KIAA0825: variants seen among roughly 807,000 people sequenced by gnomAD.
KIAA0825 encodes the protein uncharacterized protein KIAA0825.
Under a neutral mutation model 147.6 loss-of-function variants are expected in KIAA0825, and 119 were observed. The observed-to-expected ratio is 0.81, with a 90% confidence interval of 0.69 to 0.94. The LOEUF is 0.94. KIAA0825 is among the 40% of genes least tolerant of loss of function. KIAA0825 has a pLI of 0.00. For missense variants in KIAA0825, 1,381 were observed against 1,472.7 expected (o/e 0.94, Z 1.02); for synonymous variants, 470 against 518.1 (o/e 0.91, Z 1.26).
chr5:94,206,353 G>T (rs1468448556), intron 20 of KIAA0825, among the ~76,000 whole-genome samples: 2 of 152,076 alleles, frequency 1.3e-5, no homozygotes, highest in African/African-American at 4.8e-5. Context: ...ATTCCTTAGA[G>T]ACTCTGGAGA....
chr5:94,445,807 G>C (rs889406192), intron 13 of KIAA0825, among the ~76,000 whole-genome samples: 2 of 152,166 alleles, frequency 1.3e-5, no homozygotes, highest in African/African-American at 4.8e-5. Flanking sequence ...CATAGACACT[G>C]ACTTCCCTCT....
chr5:94,359,787 T>A (rs1744815173), intron 20 of KIAA0825, among the ~76,000 whole-genome samples: 1 of 152,210 alleles, frequency 6.6e-6, no homozygotes, highest in African/African-American at 2.4e-5. Flanking sequence ...TCTCAAGTAA[T>A]TTCCAAGAAT....
At chr5:94,464,611 A>G (rs1188208146) in intron 11 of KIAA0825, among the ~76,000 whole-genome samples, 1 of 152,182 alleles carries the variant, frequency 6.6e-6, no homozygotes, top group African/African-American at 2.4e-5. Flanking sequence ...TATATCCTAG[A>G]TTATAGGACA....
intron 20 of KIAA0825, among the ~76,000 whole-genome samples, chr5:94,199,249 CTG>C (rs1771433621): frequency 1.3e-5 from 2 of 152,296 alleles, no homozygotes; most frequent in Admixed American, 1.3e-4. Flanking sequence ...TGAAGGTTTA[CTG>C]TAGTATAAGT....
intron 1 of KIAA0825, among the ~76,000 whole-genome samples, chr5:94,605,081 A>C (rs1787242719): frequency 6.6e-6 from 1 of 152,158 alleles, no homozygotes; most frequent in South Asian, 2.1e-4. Flanking sequence ...AATAAGAGGG[A>C]CATTACCACT....
intron 2 of KIAA0825, among the ~76,000 whole-genome samples, chr5:94,579,318 A>C (rs1345446149): frequency 6.6e-6 from 1 of 152,240 alleles, no homozygotes; most frequent in East Asian, 1.9e-4. Flanking sequence ...TGAGAACATT[A>C]AAGGGTTGTT....
intron 3 of KIAA0825, among the ~76,000 whole-genome samples, chr5:94,528,903 T>C (rs1223680648): frequency 4.8e-5 from 6 of 126,236 alleles, no homozygotes; most frequent in African/African-American, 1.8e-4. Flanking sequence ...AAGAGAAAAG[T>C]GGAGGATCTA....
rs933945855 is a variant in KIAA0825, at chr5:94,396,160, C to G, written c.3237G>C (p.Gln1079His). The G allele has an allele frequency of 4.5e-6, 7 of 1,538,964 alleles. No individual in the cohort carries two copies. Among genetic ancestry groups the G allele is most frequent in the Non-Finnish European group, 6.1e-6 (7 of 1,142,858 alleles). The part of the protein sequence containing the change: ...MIQKVIQSIE[Q>H]QKPNWIERQL... The stretch of plus-strand genomic sequence containing the variant: ...GACGTTCAATCCAGTTGGGCTTCTG[C>G]TGCTCAATGCTCTGTATGACCTTTT... The change falls in exon 17 of 21, where the codon CAG (glutamine) becomes CAC (histidine). Residue 1079 changes from glutamine to histidine, a missense_variant. Physicochemically the swap from Gln to His is conservative, Grantham distance 24. Coordinates refer to ENST00000682413, the MANE Select transcript of KIAA0825 (RefSeq NM_001145678.3).
intron 14 of KIAA0825, among the ~76,000 whole-genome samples, chr5:94,439,416 AG>A (rs1186648044): frequency 6.6e-6 from 1 of 152,172 alleles, no homozygotes; most frequent in Non-Finnish European, 1.5e-5. Context: ...AAGCATTTAA[AG>A]GGGAAAAAAA....
chr5:94,365,305 G>T (rs537238187), intron 20 of KIAA0825, among the ~76,000 whole-genome samples: 1 of 152,144 alleles, frequency 6.6e-6, no homozygotes, highest in African/African-American at 2.4e-5. Flanking sequence ...TTCCCTTGGC[G>T]TGAGACGGCA....
intron 2 of KIAA0825, among the ~76,000 whole-genome samples, chr5:94,560,439 C>T (rs936941284): frequency 2.6e-5 from 4 of 152,156 alleles, no homozygotes; most frequent in Admixed American, 2.6e-4. Context: ...GTTTCTTGCC[C>T]TAGTATCTTA....
chr5:94,606,525 C>G (rs1787519598), intron 1 of KIAA0825, among the ~76,000 whole-genome samples: 1 of 152,124 alleles, frequency 6.6e-6, no homozygotes, highest in Admixed American at 6.5e-5. Context: ...GCAACAGTGA[C>G]CAAAACAACT....
At chr5:94,347,949 C>T (rs1488877915) in intron 20 of KIAA0825, among the ~76,000 whole-genome samples, 3 of 152,096 alleles carry the variant, frequency 2.0e-5, no homozygotes, top group Middle Eastern at 3.2e-3. Context: ...AAAGACAAAA[C>T]AATCAAAAAT....
intron 6 of KIAA0825, among the ~76,000 whole-genome samples, chr5:94,478,475 A>ACT (rs1476863336): frequency 6.6e-6 from 1 of 151,860 alleles, no homozygotes; most frequent in African/African-American, 2.4e-5. Context: ...ACACACACAC[A>ACT]CACACACAAA....
chr5:94,360,242 C>T lies in KIAA0825; in HGVS notation c.3710+24126G>A, dbSNP rs527700357. 9.2e-5 allele frequency among the ~76,000 whole-genome samples: 14 copies of T among 152,052 alleles called. No homozygotes were observed. In the East Asian group the frequency reaches 9.7e-4, roughly 11 times the overall value. On this transcript the variant is annotated intron_variant, in intron 20 of 20. Coordinates refer to ENST00000682413, the MANE Select transcript of KIAA0825 (RefSeq NM_001145678.3). ...AACCTGGCTTCTGATGGCAATTCAC[C>T]GAGAGGGAAAGAATTACCAGATCTA... is the stretch of plus-strand genomic sequence containing the variant.
chr5:94,597,179 G>A (rs1469996656), intron 1 of KIAA0825, among the ~76,000 whole-genome samples: 1 of 152,156 alleles, frequency 6.6e-6, no homozygotes, highest in Non-Finnish European at 1.5e-5. Flanking sequence ...AATGCTCCCA[G>A]CTTTTGGCCA....
intron 1 of KIAA0825, among the ~76,000 whole-genome samples, chr5:94,612,393 A>C (rs1431111944): frequency 6.6e-6 from 1 of 152,158 alleles, no homozygotes; most frequent in African/African-American, 2.4e-5. Context: ...CACTGGCCTA[A>C]TTGAAGCTTT....
At chr5:94,426,964 A>G (rs1200539134) in intron 14 of KIAA0825, among the ~76,000 whole-genome samples, 2 of 152,180 alleles carry the variant, frequency 1.3e-5, no homozygotes, top group Non-Finnish European at 2.9e-5. Flanking sequence ...TCGGTGAAGA[A>G]AAGATAGTAC....
At chr5:94,247,850 T>C (rs905544393) in intron 20 of KIAA0825, among the ~76,000 whole-genome samples, 1 of 152,116 alleles carries the variant, frequency 6.6e-6, no homozygotes. Context: ...GAGTAGATAA[T>C]GTGTAGTCAT....
Sources: gnomAD v4.1 joint callset for allele counts (sites outside exome capture counted in the v4.1 genomes callset) on GRCh38, gnomAD v4.1.1 for gene constraint, MANE v1.5 for transcripts, NCBI Gene and HGNC (gene_info 2026-07-23, HGNC 2026-07-21) for gene names.